BMPR2: variants seen among roughly 807,000 people sequenced by gnomAD.
The protein encoded by BMPR2 is bone morphogenetic protein receptor type 2.
Under a neutral mutation model 100.8 loss-of-function variants are expected in BMPR2, and 29 were observed. The observed-to-expected ratio is 0.29, with a 90% CI of 0.21 to 0.39. The LOEUF (loss-of-function observed/expected upper bound fraction) is 0.39, where lower values mean the gene tolerates loss of function less well. Ranked by LOEUF, BMPR2 falls within the 10% of genes least tolerant of loss-of-function variation. BMPR2 has a pLI of 1.00. For synonymous variants in BMPR2, 382 were observed against 442.3 expected, an observed-to-expected ratio of 0.86 and a Z score of 1.71; for missense variants, 1,011 against 1,274.5, an observed-to-expected ratio of 0.79 and a Z score of 3.15.
At chr2:202,393,932 A>AGAGAGAGAGAGATT (rs1553494924) in intron 1 of BMPR2, among the ~76,000 whole-genome samples, 9 of 122,910 alleles carry the variant, frequency 7.3e-5, no homozygotes, top group African/African-American at 2.6e-4. Context: ...AGAGAGAGAG[A>AGAGAGAGAGAGATT]GATTCCTGTG....
chr2:202,543,990 G>GACCC, intron 10 of BMPR2, among the ~76,000 whole-genome samples: 1 of 152,072 alleles, frequency 6.6e-6, no homozygotes, highest in South Asian at 2.1e-4. Context: ...GCCTGAGTAA[G>GACCC]ACCCTGTCTC....
At chr2:202,435,214 A>T (rs940339306) in intron 1 of BMPR2, among the ~76,000 whole-genome samples, 1 of 146,226 alleles carries the variant, frequency 6.8e-6, no homozygotes, top group South Asian at 2.1e-4. Flanking sequence ...AGACAAAAAA[A>T]TTAGCCAGGT....
In BMPR2 at chr2:202,513,660, G is replaced by A; in HGVS notation, c.419-59G>A. ...AGCCTTTCTAAAGGGCAGTCTGTCA[G>A]TATTTAACAAAATACTTTTTTAAAA... On this transcript the variant is annotated intron_variant, in intron 3 of 12. Coordinates refer to ENST00000374580, the MANE Select transcript of BMPR2 (RefSeq NM_001204.7). 4 of 1,280,916 alleles carry A rather than the reference G, an allele frequency of 3.1e-6. No homozygotes were observed. The South Asian group carries it at 4.8e-5, about 15-fold the overall frequency. 79.3% of individuals were successfully genotyped at this position (1,280,916 alleles called of 1,614,324 possible).
rs1553512801 is a variant in BMPR2, at chr2:202,555,829, G to A, written c.2164G>A (p.Asp722Asn). 1.2e-6 allele frequency: 2 copies of A among 1,614,052 alleles called. No homozygotes were observed. Among genetic ancestry groups the A allele is most frequent in the Non-Finnish European group, 1.7e-6 (2 of 1,180,018 alleles). The change falls in exon 12 of 13, where the codon GAC becomes AAC. Residue 722 changes from aspartate (D) to asparagine (N), a missense_variant. Asp to Asn is a conservative substitution (Grantham distance 23, BLOSUM62 1). Around this residue, in one of 6 missense-constraint regions of BMPR2, gnomAD observed 508 missense variants for 552.0 expected, o/e 0.92. Transcript: ENST00000374580. Reference sequence around the variant, plus strand: ...TGCAGTAGAAGCAACTGGACAGCAGGACTTCACACAGACTGCAAATGGCCA... The same window carrying A: ...TGCAGTAGAAGCAACTGGACAGCAGAACTTCACACAGACTGCAAATGGCCA... The part of the protein sequence containing the change: ...KLAVEATGQQ[D>N]FTQTANGQAC...
intron 1 of BMPR2, among the ~76,000 whole-genome samples, chr2:202,457,563 G>T (rs1547575): frequency 0.36 from 22,235 of 62,472 alleles, 1,727 homozygotes; most frequent in African/African-American, 0.4. Context: ...TATATATATA[G>T]AGAGAGAGAG....
chr2:202,403,559 A>G (rs1478910165), intron 1 of BMPR2, among the ~76,000 whole-genome samples: 4 of 152,172 alleles, frequency 2.6e-5, no homozygotes, highest in Admixed American at 6.6e-5. Flanking sequence ...TAAAAGTGAT[A>G]CCTCTAGAAA....
At chr2:202,514,834 A>T (rs1687684209) in intron 4 of BMPR2, 54 bp from the exon 5 acceptor site, 7 of 1,382,890 alleles carry the variant, frequency 5.1e-6, no homozygotes, top group Non-Finnish European at 7.2e-6. Flanking sequence ...AAGTGTAAAA[A>T]GATATTCATT....
chr2:202,491,166 C>T (rs1692892868), intron 3 of BMPR2, among the ~76,000 whole-genome samples: 1 of 152,124 alleles, frequency 6.6e-6, no homozygotes. Flanking sequence ...AAGCAGTCCT[C>T]CCACCTCAGC....
chr2:202,549,041 T>G (rs1261632317), intron 10 of BMPR2, among the ~76,000 whole-genome samples: 1 of 152,134 alleles, frequency 6.6e-6, no homozygotes, highest in African/African-American at 2.4e-5. Flanking sequence ...CTCAACTTTC[T>G]CTATCCCCCA....
intron 1 of BMPR2, among the ~76,000 whole-genome samples, chr2:202,458,152 T>TA (rs536370556): frequency 6.6e-6 from 1 of 151,576 alleles, no homozygotes; most frequent in Non-Finnish European, 1.5e-5. Flanking sequence ...ATATAATATT[T>TA]AAAAAATTTT....
At chr2:202,409,922 A>C (rs1047224319) in intron 1 of BMPR2, among the ~76,000 whole-genome samples, 1 of 152,204 alleles carries the variant, frequency 6.6e-6, no homozygotes, top group African/African-American at 2.4e-5. Flanking sequence ...CTCCACTGAG[A>C]GGACCTAGAA....
At chr2:202,447,043 C>T (rs1691862944) in intron 1 of BMPR2, among the ~76,000 whole-genome samples, 1 of 149,550 alleles carries the variant, frequency 6.7e-6, no homozygotes, top group African/African-American at 2.6e-5. Context: ...TGTGGTGGCT[C>T]ACACCTGTAA....
chr2:202,464,582 T>C (rs1460318484), intron 1 of BMPR2, among the ~76,000 whole-genome samples: 1 of 152,182 alleles, frequency 6.6e-6, no homozygotes, highest in Non-Finnish European at 1.5e-5. Flanking sequence ...ACGAGGGGAT[T>C]GCTTTTGGGA....
chr2:202,400,308 ATTTTTTTT>A (rs35517349), intron 1 of BMPR2, among the ~76,000 whole-genome samples: 6 of 130,556 alleles, frequency 4.6e-5, no homozygotes, highest in East Asian at 2.2e-4. Context: ...TGCCAAGCTA[ATTTTTTTT>A]TTTTTTTTTT....
Position 202,532,521 on chromosome 2 carries a change from CTAATGTCTGT to C in BMPR2, c.1129-62_1129-53del. 6.4e-7 allele frequency: 1 copy of C among 1,564,184 alleles called. No individual in the cohort carries two copies. Among genetic ancestry groups the C allele is most frequent in the South Asian group, 1.1e-5 (1 of 89,516 alleles). On this transcript the variant is annotated intron_variant, in intron 8 of 12. Coordinates refer to ENST00000374580, the MANE Select transcript of BMPR2 (RefSeq NM_001204.7). The surrounding 1 kb of genome is among the most constrained non-coding windows in gnomAD (Gnocchi z 4.1). Reference sequence around the variant, plus strand: ...CTAAGATTTATATATAACTTCTGGTCTAATGTCTGTTCTTCAGAATATGCTACGTTCTCTC... The same window carrying C: ...CTAAGATTTATATATAACTTCTGGTCTCTTCAGAATATGCTACGTTCTCTC...
intron 1 of BMPR2, among the ~76,000 whole-genome samples, chr2:202,464,159 CAAAAAAAAAAAAAA>C (rs71406983): frequency 1.6e-5 from 1 of 62,970 alleles, no homozygotes. Flanking sequence ...AACTCTGTCT[CAAAAAAAAAAAAAA>C]AAAAAAAAGA....
At position 202,452,608 on chromosome 2, in the gene BMPR2, C is replaced by T. The variant is rs370778047; in HGVS notation, c.77-12201C>T. Among the ~76,000 whole-genome samples, 483 of 152,250 alleles carry T rather than the reference C, an allele frequency of 3.2e-3. 2 individuals carry two copies. Among genetic ancestry groups the T allele is most frequent in the African/African-American group, 0.011 (466 of 41,544 alleles). ...GTCCAGCCTGGGCAACATAGCAAGA[C>T]CCTGTCTCTTAAAATAATTGGTTCT... On this transcript the variant is annotated intron_variant, in intron 1 of 12. Transcript: ENST00000374580.
At chr2:202,472,855 A>G (rs1474626872) in intron 3 of BMPR2, among the ~76,000 whole-genome samples, 1 of 152,188 alleles carries the variant, frequency 6.6e-6, no homozygotes, top group African/African-American at 2.4e-5. Flanking sequence ...AAAGCGCTCT[A>G]ATTTGGAAGC....
intron 3 of BMPR2, chr2:202,474,885 AT>A (rs1692512077): frequency 6.6e-6 from 1 of 152,164 alleles, no homozygotes; most frequent in East Asian, 1.9e-4. Context: ...ATGAGAATAT[AT>A]TCATGTATTA....
Sources: allele counts gnomAD v4.1 joint callset (sites outside exome capture counted in the v4.1 genomes callset), GRCh38; gene constraint gnomAD v4.1.1; regional missense constraint gnomAD v4.1.1; non-coding constraint Gnocchi (gnomAD v3.1); transcripts MANE v1.5; gene names NCBI Gene and HGNC (gene_info 2026-07-23, HGNC 2026-07-21).